ATP10B: variants seen among roughly 807,000 people sequenced by gnomAD.
ATP10B encodes the protein phospholipid-transporting ATPase VB.
ATP10B carries 122 observed loss-of-function variants against 141.2 expected under a neutral mutation model. That is an observed-to-expected ratio of 0.86 (90% CI 0.75 to 1.00). ATP10B has a LOEUF of 1.00. Ranked by LOEUF, ATP10B falls within the 50% of genes least tolerant of loss-of-function variation. ATP10B has a pLI of 0.00. For synonymous variants in ATP10B, 685 were observed against 692.0 expected (o/e 0.99, Z 0.16); for missense variants, 1,876 against 1,825.3 (o/e 1.03, Z -0.51).
At chr5:160,663,661 GATAGCATT>G (rs1561721153) in intron 7 of ATP10B, among the ~76,000 whole-genome samples, 1 of 21,078 alleles carries the variant, frequency 4.7e-5, no homozygotes. Flanking sequence ...AGCGGGGAGG[GATAGCATT>G]AGGAGATATA....
chr5:160,845,624 C>T (rs1425351279), intron 1 of ATP10B, among the ~76,000 whole-genome samples: 3 of 152,028 alleles, frequency 2.0e-5, no homozygotes, highest in Admixed American at 2.0e-4. Context: ...TTCTAAACAA[C>T]AAAATGTAAG....
chr5:160,679,070 G>A (rs1292747121), intron 6 of ATP10B, among the ~76,000 whole-genome samples: 3 of 152,220 alleles, frequency 2.0e-5, no homozygotes, highest in Non-Finnish European at 4.4e-5. Flanking sequence ...AACTGCTTAA[G>A]TGGCTTCATT....
At chr5:160,811,970 C>A (rs911960065) in intron 1 of ATP10B, among the ~76,000 whole-genome samples, 1 of 151,408 alleles carries the variant, frequency 6.6e-6, no homozygotes, top group Non-Finnish European at 1.5e-5. Context: ...TGTTACTCCA[C>A]CCCCAGCTCC....
At chr5:160,648,030 A>G (rs1235622345) in intron 8 of ATP10B, among the ~76,000 whole-genome samples, 2 of 152,162 alleles carry the variant, frequency 1.3e-5, no homozygotes, top group Admixed American at 6.5e-5. Context: ...CGGCTATGGA[A>G]AGCACACTGG....
chr5:160,573,150 G>A (rs1754982992), intron 24 of ATP10B, among the ~76,000 whole-genome samples: 1 of 152,202 alleles, frequency 6.6e-6, no homozygotes, highest in African/African-American at 2.4e-5. Context: ...AGGTGATTAG[G>A]GGGAGCCCCC....
At chr5:160,638,678 C>A (rs1759605605) in intron 10 of ATP10B, among the ~76,000 whole-genome samples, 1 of 152,200 alleles carries the variant, frequency 6.6e-6, no homozygotes, top group African/African-American at 2.4e-5. Flanking sequence ...CTCAGCCTTT[C>A]AGACACCATC....
intron 1 of ATP10B, among the ~76,000 whole-genome samples, chr5:160,813,444 C>G (rs947468075): frequency 1.3e-5 from 2 of 152,168 alleles, no homozygotes; most frequent in African/African-American, 4.8e-5. Flanking sequence ...GGAAGGGCAC[C>G]CACCACTGCT....
At chr5:160,824,146 C>T (rs1329379275) in intron 1 of ATP10B, among the ~76,000 whole-genome samples, 3 of 151,874 alleles carry the variant, frequency 2.0e-5, no homozygotes, top group African/African-American at 4.8e-5. Flanking sequence ...CTCAGCCTCC[C>T]GAGCAGCTGG....
chr5:160,768,264 G>A (rs912924578), intron 2 of ATP10B, among the ~76,000 whole-genome samples: 5 of 152,058 alleles, frequency 3.3e-5, no homozygotes, highest in South Asian at 2.1e-4. Context: ...TAGAAGTCAC[G>A]TGGCATCCTC....
At chr5:160,615,722 C>A (rs758046050) in intron 17 of ATP10B, 116 bp downstream of exon 17, 3 of 1,343,810 alleles carry the variant, frequency 2.2e-6, no homozygotes, top group Non-Finnish European at 3.1e-6. Flanking sequence ...TGGAAGGGAA[C>A]CCCAGGGAAG....
chr5:160,729,803 A>T (rs1325523910), intron 2 of ATP10B, among the ~76,000 whole-genome samples: 4 of 152,232 alleles, frequency 2.6e-5, no homozygotes, highest in South Asian at 4.1e-4. Flanking sequence ...AGGTGGGGAG[A>T]TGGTGGAAAC....
chr5:160,782,740 ATCAT>A (rs1453593667), intron 2 of ATP10B, among the ~76,000 whole-genome samples: 2 of 152,132 alleles, frequency 1.3e-5, no homozygotes, highest in Non-Finnish European at 2.9e-5. Context: ...TAAAGAAATT[ATCAT>A]TAATTCCTGA....
chr5:160,652,900 AT>A (rs1384616311), intron 7 of ATP10B, among the ~76,000 whole-genome samples: 3 of 70,716 alleles, frequency 4.2e-5, no homozygotes, highest in African/African-American at 1.8e-4. Context: ...TATATAATAT[AT>A]TATATATACA....
chr5:160,624,982 A>T (rs1278198151), intron 13 of ATP10B, among the ~76,000 whole-genome samples: 3 of 152,172 alleles, frequency 2.0e-5, no homozygotes, highest in Non-Finnish European at 2.9e-5. Flanking sequence ...CCTATTTCTC[A>T]ACAGAGTAAT....
At chr5:160,699,903 A>G (rs776894968) in intron 3 of ATP10B, among the ~76,000 whole-genome samples, 7 of 152,114 alleles carry the variant, frequency 4.6e-5, no homozygotes, top group Non-Finnish European at 1.0e-4. Flanking sequence ...AAATATTATA[A>G]TATAATATAA....
At chr5:160,664,463 AAGCT>A (rs2127717994) in intron 7 of ATP10B, among the ~76,000 whole-genome samples, 1 of 152,344 alleles carries the variant, frequency 6.6e-6, no homozygotes, top group African/African-American at 2.4e-5. Context: ...GGTGGCATGC[AAGCT>A]AGTCAAAAGG....
At chr5:160,751,975 G>A (rs987426537) in intron 2 of ATP10B, among the ~76,000 whole-genome samples, 3 of 152,118 alleles carry the variant, frequency 2.0e-5, no homozygotes, top group Non-Finnish European at 4.4e-5. Context: ...CAGGATGAGC[G>A]TACATCCCCC....
intron 2 of ATP10B, among the ~76,000 whole-genome samples, chr5:160,778,726 C>T (rs1770514761): frequency 1.3e-5 from 2 of 152,190 alleles, no homozygotes. Flanking sequence ...ATAGTAAGGG[C>T]ATATTCTGAA....
intron 3 of ATP10B, among the ~76,000 whole-genome samples, chr5:160,709,391 C>T (rs903927504): frequency 9.9e-5 from 15 of 152,048 alleles, no homozygotes; most frequent in African/African-American, 3.1e-4. Flanking sequence ...AAAAATGACA[C>T]GAACAGGTTA....
Sources: allele counts gnomAD v4.1 joint callset (sites outside exome capture counted in the v4.1 genomes callset), GRCh38; gene constraint gnomAD v4.1.1; transcripts MANE v1.5; gene names NCBI Gene and HGNC (gene_info 2026-07-23, HGNC 2026-07-21).